SLC5A4: variants seen among roughly 807,000 people sequenced by gnomAD.
SLC5A4 encodes solute carrier family 5 member 4.
In SLC5A4, 55 loss-of-function variants were observed where a neutral mutation model predicts 70.3. That is an observed-to-expected ratio of 0.78 (90% CI 0.63 to 0.98). The LOEUF is 0.98. Ranked by LOEUF, SLC5A4 falls within the 50% of genes least tolerant of loss-of-function variation. The pLI is 0.00. For missense variants in SLC5A4, 735 were observed against 839.2 expected (o/e 0.88, Z 1.53); for synonymous variants, 268 against 305.7 (o/e 0.88, Z 1.29).
the SLC5A4 span, among the ~76,000 whole-genome samples, chr22:32,306,465 CAAAAAAAA>C: frequency 8.4e-4 from 114 of 135,794 alleles, no homozygotes; most frequent in Non-Finnish European, 1.1e-3. Flanking sequence ...GACTCGGTCT[CAAAAAAAA>C]AAAACAAAAA....
At chr22:32,307,978 C>T in the SLC5A4 span, among the ~76,000 whole-genome samples, 1,476 of 152,328 alleles carry the variant, frequency 9.7e-3, 13 homozygotes, top group South Asian at 0.031. Flanking sequence ...AATCAACCCA[C>T]GTGGATGTCT....
chr22:32,266,659 C>T, the SLC5A4 span, among the ~76,000 whole-genome samples: 2 of 152,178 alleles, frequency 1.3e-5, no homozygotes, highest in Non-Finnish European at 2.9e-5. Context: ...ACTGAGCCCC[C>T]GGCAGTCCAA....
the SLC5A4 span, among the ~76,000 whole-genome samples, chr22:32,300,315 C>T: frequency 6.7e-6 from 1 of 150,310 alleles, no homozygotes; most frequent in African/African-American, 2.4e-5. Flanking sequence ...AGGGAGACTC[C>T]GTGGGCGTAG....
the SLC5A4 span, among the ~76,000 whole-genome samples, chr22:32,295,235 G>A: frequency 5.7e-3 from 603 of 104,996 alleles, 137 homozygotes; most frequent in African/African-American, 0.018. Context: ...CTGAGGAATC[G>A]CCACACTGAC....
At chr22:32,219,630 C>CAA in intron 14 of SLC5A4, among the ~76,000 whole-genome samples, 495 of 28,852 alleles carry the variant, frequency 0.017, 37 homozygotes, top group African/African-American at 0.057. Context: ...TCCAACTTAG[C>CAA]AAAAAAAAAA....
At chr22:32,299,152 G>A in the SLC5A4 span, among the ~76,000 whole-genome samples, 35 of 80,208 alleles carry the variant, frequency 4.4e-4, 1 homozygote, top group East Asian at 3.9e-4. Context: ...CTCTTCTCGA[G>A]GAGTATCTTT....
the SLC5A4 span, among the ~76,000 whole-genome samples, chr22:32,330,411 TGGG>T: frequency 1.5e-3 from 81 of 54,354 alleles, 5 homozygotes; most frequent in African/African-American, 5.7e-3. Context: ...TCTGGTGTGT[TGGG>T]GGGCTCTGGT....
rs1569375056 is a variant in SLC5A4, at chr22:32,239,576, ATATATTTATATATATATAAATT to A, written c.478-508_478-487del. On this transcript the variant is annotated intron_variant, in intron 5 of 14. Transcript: ENST00000266086. Reference sequence around the variant, plus strand: ...TATATATATATATATATATTTATATATATATTTATATATATATAAATTATATAAAATATATGTATAATATATA... The same window carrying A: ...TATATATATATATATATATTTATATAATATAAAATATATGTATAATATATA... 4.9e-3 allele frequency among the ~76,000 whole-genome samples: 130 copies of A among 26,436 alleles called. 14 individuals are homozygous for A. The highest frequency in any genetic ancestry group is 0.022 in the African/African-American group (86 of 3,900). The allele number at this position is 26,436 out of a possible 152,430, so 17.3% of individuals were successfully genotyped here.
At chr22:32,292,038 A>AT in the SLC5A4 span, among the ~76,000 whole-genome samples, 1 of 141,144 alleles carries the variant, frequency 7.1e-6, no homozygotes, top group Non-Finnish European at 1.5e-5. Context: ...ACGCCCGGCT[A>AT]TTTTTTTATA....
chr22:32,283,021 G>A, the SLC5A4 span, among the ~76,000 whole-genome samples: 24 of 152,280 alleles, frequency 1.6e-4, no homozygotes, highest in Non-Finnish European at 2.5e-4. Context: ...AAACCTTGCC[G>A]AGCCTCCTCC....
the SLC5A4 span, among the ~76,000 whole-genome samples, chr22:32,338,157 TA>T: frequency 6.6e-6 from 1 of 152,184 alleles, no homozygotes; most frequent in Non-Finnish European, 1.5e-5. Flanking sequence ...TCAAGTCAGT[TA>T]AAAATGTATT....
rs775748920 is a variant in SLC5A4, at chr22:32,225,803, G to C, written c.1301C>G (p.Thr434Ser). ...IAGRIFVLLL[T>S]VVSIVWVPLV... ...TGGGACCCACACAATGCTCACAACA[G>C]TTAATAGAAGAACAAATATCCTGAG... Residue 434 changes from threonine to serine, a missense_variant, in exon 12 of 15, where the codon ACT becomes AGT. Coordinates refer to ENST00000266086, the MANE Select transcript of SLC5A4 (RefSeq NM_014227.3). The C allele has an allele frequency of 5.2e-5, 83 of 1,603,082 alleles. No homozygotes were observed. Among genetic ancestry groups the C allele is most frequent in the Non-Finnish European group, 6.0e-5 (70 of 1,175,204 alleles).
At chr22:32,337,098 T>C in the SLC5A4 span, among the ~76,000 whole-genome samples, 1 of 152,152 alleles carries the variant, frequency 6.6e-6, no homozygotes, top group Non-Finnish European at 1.5e-5. Flanking sequence ...TCTTTCGGCC[T>C]CCTCATCTGC....
chr22:32,322,627 G>A, the SLC5A4 span, among the ~76,000 whole-genome samples: 1 of 151,742 alleles, frequency 6.6e-6, no homozygotes, highest in Non-Finnish European at 1.5e-5. Context: ...GAAACAGCCA[G>A]AGGCCCAAGG....
intron 7 of SLC5A4, among the ~76,000 whole-genome samples, chr22:32,236,862 G>T (rs1303881595): frequency 6.6e-6 from 1 of 151,864 alleles, no homozygotes; most frequent in Non-Finnish European, 1.5e-5. Flanking sequence ...GCGCCACCAC[G>T]CCGGGCTTAT....
At chr22:32,335,497 G>A in the SLC5A4 span, among the ~76,000 whole-genome samples, 2,258 of 152,288 alleles carry the variant, frequency 0.015, 60 homozygotes, top group African/African-American at 0.05. Context: ...CTTCCTATGA[G>A]CGGAGTACGG....
chr22:32,279,690 G>C, the SLC5A4 span, among the ~76,000 whole-genome samples: 1 of 152,160 alleles, frequency 6.6e-6, no homozygotes, highest in African/African-American at 2.4e-5. Flanking sequence ...ACCTCTAAAG[G>C]CTCCACCTCT....
At chr22:32,308,085 C>T in the SLC5A4 span, among the ~76,000 whole-genome samples, 1 of 152,222 alleles carries the variant, frequency 6.6e-6, no homozygotes, top group Non-Finnish European at 1.5e-5. Context: ...ACCTACCTAC[C>T]TACCTAGAGT....
chr22:32,252,230 A>C, intron 2 of SLC5A4, among the ~76,000 whole-genome samples: 1 of 113,542 alleles, frequency 8.8e-6, no homozygotes, highest in South Asian at 2.8e-4. Context: ...ACTCTGTCTC[A>C]AAAAAAAAAA....
Sources: gnomAD v4.1 joint callset for allele counts (sites outside exome capture counted in the v4.1 genomes callset) on GRCh38, gnomAD v4.1.1 for gene constraint, MANE v1.5 for transcripts, NCBI Gene and HGNC (gene_info 2026-07-23, HGNC 2026-07-21) for gene names.